Variants in NRG3 observed in about 807,000 individuals in gnomAD.
The protein encoded by NRG3 is pro-neuregulin-3, membrane-bound isoform.
NRG3 carries 31 observed loss-of-function variants against 66.9 expected under a neutral mutation model. The ratio of observed to expected loss-of-function variants is 0.46; its 90% CI spans 0.35 to 0.63. The LOEUF (loss-of-function observed/expected upper bound fraction) is 0.63. Among genes scored for constraint, NRG3 ranks in the 20% least tolerant of loss-of-function variants. The pLI, the probability that NRG3 is intolerant of heterozygous loss-of-function variation, is 0.00. For missense variants in NRG3, 910 were observed against 878.9 expected, an observed-to-expected ratio of 1.04 and a Z score of -0.45; for synonymous variants, 393 against 359.4, an observed-to-expected ratio of 1.09 and a Z score of -1.06.
intron 3 of NRG3, 65 bp downstream of exon 3, chr10:82,738,715 T>G (rs2058274225): frequency 7.4e-7 from 1 of 1,345,106 alleles, no homozygotes; most frequent in Non-Finnish European, 1.1e-6. Context: ...GAGCAATGGT[T>G]GTTAACTCAG....
chr10:82,543,197 C>A (rs1017649797), intron 2 of NRG3, among the ~76,000 whole-genome samples: 3 of 152,004 alleles, frequency 2.0e-5, no homozygotes, highest in Non-Finnish European at 1.5e-5. Context: ...CAGCCTAGAT[C>A]ATTTTTTACT....
At chr10:82,260,814 A>G (rs2077985669) in intron 1 of NRG3, among the ~76,000 whole-genome samples, 1 of 152,216 alleles carries the variant, frequency 6.6e-6, no homozygotes, top group Non-Finnish European at 1.5e-5. Flanking sequence ...TTTAGGTGCT[A>G]CATGATGTTG....
In NRG3 at chr10:82,566,252, G is replaced by T. The variant is rs139307062; in HGVS notation, c.954-172325G>T. 1.5e-4 allele frequency among the ~76,000 whole-genome samples: 23 copies of T among 152,084 alleles called. 1 individual carries two copies. The East Asian group carries it at 2.1e-3, about 14-fold the overall frequency. On this transcript the variant is annotated intron_variant, in intron 2 of 8. Coordinates refer to ENST00000372141, the MANE Select transcript of NRG3 (RefSeq NM_001010848.4). ...TTTATTTTGTTTGTTTGCTTGTTAA[G>T]TGTTCAATAGATATTTGCTATTTTT...
intron 1 of NRG3, among the ~76,000 whole-genome samples, chr10:82,025,196 A>C (rs1299853292): frequency 6.6e-6 from 1 of 151,128 alleles, no homozygotes; most frequent in African/African-American, 2.4e-5. Flanking sequence ...CACAGGTAAA[A>C]AATGTGGAAT....
chr10:82,692,025 G>T (rs1238682407), intron 2 of NRG3, among the ~76,000 whole-genome samples: 5 of 152,190 alleles, frequency 3.3e-5, no homozygotes, highest in Non-Finnish European at 7.3e-5. Flanking sequence ...TGTAATCCCA[G>T]CGCTTTGGGA....
chr10:81,989,149 G>A (rs1380402135), intron 1 of NRG3, among the ~76,000 whole-genome samples: 1 of 152,124 alleles, frequency 6.6e-6, no homozygotes, highest in Non-Finnish European at 1.5e-5. Context: ...TCTGGCTATA[G>A]GAATAGGATA....
chr10:82,104,040 G>A (rs904089544), intron 1 of NRG3, among the ~76,000 whole-genome samples: 12 of 151,666 alleles, frequency 7.9e-5, no homozygotes, highest in African/African-American at 2.9e-4. Context: ...TGTCAAAGTT[G>A]GGTGTTAAGG....
At chr10:82,181,335 G>A (rs1395985008) in intron 1 of NRG3, among the ~76,000 whole-genome samples, 1 of 151,504 alleles carries the variant, frequency 6.6e-6, no homozygotes, top group Non-Finnish European at 1.5e-5. Context: ...TGTAGAATTA[G>A]GTTGATTATT....
At chr10:82,855,463 TC>T (rs928974433) in intron 3 of NRG3, among the ~76,000 whole-genome samples, 10 of 152,126 alleles carry the variant, frequency 6.6e-5, no homozygotes, top group African/African-American at 2.4e-4. Context: ...AGTGGCACTA[TC>T]TAGGCTCACT....
intron 1 of NRG3, among the ~76,000 whole-genome samples, chr10:82,150,231 C>T (rs1020551634): frequency 2.0e-5 from 3 of 152,116 alleles, no homozygotes; most frequent in Admixed American, 1.3e-4. Context: ...TTTTACATAT[C>T]ACCCATTTGC....
intron 2 of NRG3, among the ~76,000 whole-genome samples, chr10:82,391,522 A>G (rs527441112): frequency 2.1e-4 from 32 of 152,270 alleles, no homozygotes; most frequent in Non-Finnish European, 4.4e-5. Context: ...AACGGAACAT[A>G]AGTGGGAGTG....
chr10:82,492,278 C>T (rs1347126860), intron 2 of NRG3, among the ~76,000 whole-genome samples: 17 of 152,186 alleles, frequency 1.1e-4, no homozygotes, highest in Admixed American at 1.1e-3. Context: ...ATCTTAATTT[C>T]TTGGCAAATG....
At chr10:82,139,531 G>T (rs569448889) in intron 1 of NRG3, among the ~76,000 whole-genome samples, 1 of 152,208 alleles carries the variant, frequency 6.6e-6, no homozygotes, top group Non-Finnish European at 1.5e-5. Context: ...AGCCCGTTAA[G>T]TCCTCATTGT....
intron 4 of NRG3, among the ~76,000 whole-genome samples, chr10:82,933,727 A>G (rs1237089987): frequency 6.6e-6 from 1 of 152,206 alleles, no homozygotes; most frequent in Non-Finnish European, 1.5e-5. Flanking sequence ...TGTGAGTTGC[A>G]TTGAAAGATT....
intron 2 of NRG3, among the ~76,000 whole-genome samples, chr10:82,636,223 ATGTGTGTGTGTGTGTGTCTGTG>A (rs2050185900): frequency 2.0e-5 from 1 of 51,242 alleles, no homozygotes; most frequent in African/African-American, 9.4e-5. Flanking sequence ...CTATCTACAT[ATGTGTGTGTGTGTGTGTCTGTG>A]TGTGTGTGTG....
intron 1 of NRG3, among the ~76,000 whole-genome samples, chr10:82,143,827 C>G (rs892034774): frequency 2.6e-5 from 4 of 152,018 alleles, no homozygotes; most frequent in Non-Finnish European, 5.9e-5. Flanking sequence ...CCCAAGAATT[C>G]GAGATTGGCC....
intron 6 of NRG3, among the ~76,000 whole-genome samples, chr10:82,962,581 G>A (rs1850765051): frequency 1.3e-5 from 2 of 152,320 alleles, no homozygotes; most frequent in Admixed American, 1.3e-4. Context: ...GCTCACGCCT[G>A]TAATCCCAGC....
intron 1 of NRG3, among the ~76,000 whole-genome samples, chr10:82,003,372 A>G (rs2061248912): frequency 6.6e-6 from 1 of 152,234 alleles, no homozygotes; most frequent in African/African-American, 2.4e-5. Context: ...TTTATAGAAT[A>G]TAAATTGTAT....
intron 3 of NRG3, among the ~76,000 whole-genome samples, chr10:82,852,507 G>T (rs923791033): frequency 2.0e-5 from 3 of 151,620 alleles, no homozygotes; most frequent in Non-Finnish European, 2.9e-5. Flanking sequence ...TAAAAAAAAA[G>T]AAAGAAAATT....
Sources: gnomAD v4.1 joint callset for allele counts (sites outside exome capture counted in the v4.1 genomes callset) on GRCh38, gnomAD v4.1.1 for gene constraint, MANE v1.5 for transcripts, NCBI Gene and HGNC (gene_info 2026-07-23, HGNC 2026-07-21) for gene names.